Variants in MBD5 observed in about 807,000 individuals in gnomAD.
MBD5 encodes methyl-CpG binding domain protein 5, also known as methyl-CpG-binding domain protein 5.
A neutral mutation model predicts 117.3 loss-of-function variants in MBD5; 13 were observed. The observed-to-expected ratio is 0.11, with a 90% CI of 0.07 to 0.18. The LOEUF (loss-of-function observed/expected upper bound fraction) is 0.18, where lower values mean the gene tolerates loss of function less well. Among genes scored for constraint, MBD5 ranks in the 10% least tolerant of loss-of-function variants. MBD5 has a pLI of 1.00. For synonymous variants in MBD5, 727 were observed against 766.4 expected, an observed-to-expected ratio of 0.95 and a Z score of 0.85; for missense variants, 1,879 against 2,093.8, an observed-to-expected ratio of 0.90 and a Z score of 2.00.
chr2:148,284,828 A>C (rs938877669), intron 3 of MBD5, among the ~76,000 whole-genome samples: 2 of 152,178 alleles, frequency 1.3e-5, no homozygotes, highest in Non-Finnish European at 2.9e-5. Context: ...GTAACTACTC[A>C]AAATCAGAAT....
intron 10 of MBD5, among the ~76,000 whole-genome samples, chr2:148,487,791 C>T (rs1248115473): frequency 6.6e-6 from 1 of 152,126 alleles, no homozygotes; most frequent in Non-Finnish European, 1.5e-5. Context: ...TTGTTTCACT[C>T]TAGTAACAAC....
intron 1 of MBD5, among the ~76,000 whole-genome samples, chr2:148,091,250 T>G (rs948964793): frequency 6.6e-6 from 1 of 151,990 alleles, no homozygotes; most frequent in Non-Finnish European, 1.5e-5. Flanking sequence ...AGCTACAAAT[T>G]CAGTGCAGTT....
chr2:148,407,404 T>G (rs11899300), intron 4 of MBD5, among the ~76,000 whole-genome samples: 38,295 of 151,394 alleles, frequency 0.25, 5,701 homozygotes, highest in African/African-American at 0.41. Context: ...CTGTATGTAT[T>G]TATGTATCCT....
At chr2:148,317,941 A>G (rs1378466838) in intron 3 of MBD5, among the ~76,000 whole-genome samples, 1 of 152,168 alleles carries the variant, frequency 6.6e-6, no homozygotes, top group African/African-American at 2.4e-5. Context: ...TTTTTGATAT[A>G]ATGATTTCTT....
At chr2:148,306,392 G>T (rs779393814) in intron 3 of MBD5, among the ~76,000 whole-genome samples, 9 of 152,128 alleles carry the variant, frequency 5.9e-5, no homozygotes, top group Non-Finnish European at 1.2e-4. Context: ...TGCCATTCCA[G>T]TCAAAGCCTT....
At chr2:148,279,009 C>T (rs181041567) in intron 3 of MBD5, among the ~76,000 whole-genome samples, 9 of 152,236 alleles carry the variant, frequency 5.9e-5, no homozygotes, top group East Asian at 3.9e-4. Flanking sequence ...TCCATATGGT[C>T]CCCCAAGCGA....
At chr2:148,209,674 G>A (rs1699373316) in intron 2 of MBD5, among the ~76,000 whole-genome samples, 1 of 152,040 alleles carries the variant, frequency 6.6e-6, no homozygotes. Context: ...TCACAGTTCT[G>A]CAGGCTGTAT....
At chr2:148,297,074 G>A (rs1471400497) in intron 3 of MBD5, among the ~76,000 whole-genome samples, 1 of 151,498 alleles carries the variant, frequency 6.6e-6, no homozygotes, top group South Asian at 2.1e-4. Flanking sequence ...TAGTAGAAAC[G>A]GGGTTTCACC....
chr2:148,279,977 GT>G (rs1168696358), intron 3 of MBD5, among the ~76,000 whole-genome samples: 1 of 151,776 alleles, frequency 6.6e-6, no homozygotes, highest in Non-Finnish European at 1.5e-5. Context: ...TTTTATTGTG[GT>G]TTTGTTTAGT....
chr2:148,464,536 ACT>A (rs1312997917), intron 7 of MBD5, among the ~76,000 whole-genome samples: 2 of 152,072 alleles, frequency 1.3e-5, no homozygotes, highest in Non-Finnish European at 2.9e-5. Flanking sequence ...ACAAGGGCAC[ACT>A]CTTACATAAA....
chr2:148,283,637 C>T (rs1169821282), intron 3 of MBD5, among the ~76,000 whole-genome samples: 1 of 152,104 alleles, frequency 6.6e-6, no homozygotes, highest in Admixed American at 6.6e-5. Flanking sequence ...ACCGATGGCC[C>T]TATTTTAAGT....
intron 7 of MBD5, 69 bp downstream of exon 7, chr2:148,463,988 GC>G (rs1396427554): frequency 6.6e-7 from 1 of 1,515,962 alleles, no homozygotes; most frequent in African/African-American, 1.4e-5. Context: ...AAATCATTTT[GC>G]CTAGCATTTT....
At chr2:148,187,305 T>C (rs1553482451) in intron 2 of MBD5, among the ~76,000 whole-genome samples, 1 of 148,438 alleles carries the variant, frequency 6.7e-6, no homozygotes, top group Non-Finnish European at 1.5e-5. Flanking sequence ...CCTTCCTCCA[T>C]ACCCCCCCCA....
chr2:148,498,437 A>C (rs1681768569), intron 11 of MBD5, among the ~76,000 whole-genome samples: 1 of 152,170 alleles, frequency 6.6e-6, no homozygotes, highest in Non-Finnish European at 1.5e-5. Flanking sequence ...TCCCATGTTC[A>C]AACAATTCTC....
chr2:148,047,408 G>T (rs1398611203), intron 1 of MBD5, among the ~76,000 whole-genome samples: 1 of 152,176 alleles, frequency 6.6e-6, no homozygotes, highest in Non-Finnish European at 1.5e-5. Flanking sequence ...GGAGACAGAG[G>T]AAGTTTTAAA....
intron 3 of MBD5, among the ~76,000 whole-genome samples, chr2:148,272,766 C>G (rs903115540): frequency 1.7e-4 from 26 of 152,096 alleles, no homozygotes; most frequent in Admixed American, 1.3e-4. Flanking sequence ...TTTTGCTGTA[C>G]AGAAGTGCTT....
chr2:148,175,685 C>T (rs1427388120), intron 1 of MBD5, among the ~76,000 whole-genome samples: 2 of 152,196 alleles, frequency 1.3e-5, no homozygotes, highest in African/African-American at 4.8e-5. Flanking sequence ...TTGTAGACTG[C>T]TGGAGTTTGA....
chr2:148,245,420 C>A (rs1388181737), intron 3 of MBD5, among the ~76,000 whole-genome samples: 1 of 151,828 alleles, frequency 6.6e-6, no homozygotes, highest in Admixed American at 6.6e-5. Flanking sequence ...AGAGATAGGA[C>A]AAAAATATTT....
intron 4 of MBD5, among the ~76,000 whole-genome samples, chr2:148,428,926 T>A (rs908915588): frequency 7.2e-5 from 11 of 152,112 alleles, no homozygotes; most frequent in Admixed American, 1.3e-4. Flanking sequence ...ATTCAAGACA[T>A]AGGCATGGGC....
Sources: gnomAD v4.1 joint callset for allele counts (sites outside exome capture counted in the v4.1 genomes callset) on GRCh38, gnomAD v4.1.1 for gene constraint, MANE v1.5 for transcripts, NCBI Gene and HGNC (gene_info 2026-07-23, HGNC 2026-07-21) for gene names.